SLAMF6: variants seen among roughly 807,000 people sequenced by gnomAD.
SLAMF6 encodes SLAM family member 6.
A neutral mutation model predicts 38.3 loss-of-function variants in SLAMF6; 21 were observed. That is an observed-to-expected ratio of 0.55 (90% CI 0.39 to 0.79). The LOEUF (loss-of-function observed/expected upper bound fraction) is 0.79, where lower values mean the gene tolerates loss of function less well. SLAMF6 is among the 30% of genes least tolerant of loss of function. The pLI is 0.00. For missense variants in SLAMF6, 341 were observed against 385.3 expected (o/e 0.89, Z 0.96); for synonymous variants, 152 against 146.3 (o/e 1.04, Z -0.28).
At chr1:160,505,923 T>C (rs1182093084) in intron 1 of SLAMF6, among the ~76,000 whole-genome samples, 1 of 151,984 alleles carries the variant, frequency 6.6e-6, no homozygotes, top group Non-Finnish European at 1.5e-5. Flanking sequence ...AAGTAAGAAA[T>C]AGCTAATTCA....
rs757097906 is a variant in SLAMF6 at position 160,496,139 on chromosome 1, C to G, written c.304G>C (p.Glu102Gln). The G allele has an allele frequency of 6.2e-7, 1 of 1,613,964 alleles. No homozygotes were observed. Among genetic ancestry groups the G allele is most frequent in the Non-Finnish European group, 8.5e-7 (1 of 1,179,906 alleles). Residue 102 changes from glutamate to glutamine, a missense_variant, in exon 2 of 8, where the codon GAA becomes CAA. By Grantham distance (29) the Glu-to-Gln change is conservative. Coordinates refer to ENST00000368057, the MANE Select transcript of SLAMF6 (RefSeq NM_001184714.2). ...YSLQLSNLKM[E>Q]DTGSYRAQIS... ...TGGGCTCTGTAAGAGCCTGTGTCTT[C>G]CATCTTCAGGTTGCTGAGTTGCAGG... is the stretch of plus-strand genomic sequence containing the variant.
chr1:160,498,304 G>A (rs933622128), intron 1 of SLAMF6, among the ~76,000 whole-genome samples: 1 of 152,024 alleles, frequency 6.6e-6, no homozygotes, highest in Non-Finnish European at 1.5e-5. Flanking sequence ...TGACAGAATG[G>A]CTATTATTAA....
chr1:160,518,410 A>G (rs1654841061), intron 1 of SLAMF6, among the ~76,000 whole-genome samples: 1 of 152,226 alleles, frequency 6.6e-6, no homozygotes, highest in African/African-American at 2.4e-5. Flanking sequence ...TACTGGGTAT[A>G]TACCCAAAAG....
At chr1:160,503,773 T>A (rs6700764) in intron 1 of SLAMF6, among the ~76,000 whole-genome samples, 129,703 of 152,026 alleles carry the variant, frequency 0.85, 55,987 homozygotes, top group Non-Finnish European at 0.93. Flanking sequence ...TAGTCAAAGG[T>A]TTATAGCAAC....
intron 6 of SLAMF6, among the ~76,000 whole-genome samples, chr1:160,487,598 A>G (rs889817353): frequency 2.0e-5 from 3 of 152,226 alleles, no homozygotes; most frequent in African/African-American, 2.4e-5. Flanking sequence ...ATCTTTTGCT[A>G]TAATTCTAAC....
intron 1 of SLAMF6, among the ~76,000 whole-genome samples, chr1:160,512,541 G>A (rs1407431805): frequency 6.6e-6 from 1 of 152,184 alleles, no homozygotes; most frequent in African/African-American, 2.4e-5. Flanking sequence ...CCCTTATCTT[G>A]TGACTCCTGA....
intron 1 of SLAMF6, among the ~76,000 whole-genome samples, chr1:160,497,421 T>G (rs1653643753): frequency 6.6e-6 from 1 of 152,216 alleles, no homozygotes; most frequent in South Asian, 2.1e-4. Context: ...TGACACATAG[T>G]AGAGTCTGTG....
chr1:160,497,212 T>A (rs1264061314), intron 1 of SLAMF6, among the ~76,000 whole-genome samples: 1 of 152,212 alleles, frequency 6.6e-6, no homozygotes, highest in Non-Finnish European at 1.5e-5. Context: ...GATGGCCACA[T>A]TCTTGTGAAC....
At chr1:160,499,647 T>C (rs1653776344) in intron 1 of SLAMF6, among the ~76,000 whole-genome samples, 1 of 152,218 alleles carries the variant, frequency 6.6e-6, no homozygotes. Context: ...AATTGCTTTG[T>C]GTGGTATGGC....
intron 1 of SLAMF6, 106 bp from the exon 2 acceptor site, chr1:160,496,499 C>A (rs1215301055): frequency 3.7e-6 from 4 of 1,072,564 alleles, no homozygotes; most frequent in African/African-American, 3.2e-5. Context: ...TCTCTGATAC[C>A]AAAACTCAGA....
chr1:160,508,639 A>G (rs188142495), intron 1 of SLAMF6, among the ~76,000 whole-genome samples: 1 of 152,216 alleles, frequency 6.6e-6, no homozygotes, highest in African/African-American at 2.4e-5. Context: ...CAATGGCAAC[A>G]AAAGCCAAAA....
At chr1:160,515,069 C>A (rs955197032) in intron 1 of SLAMF6, among the ~76,000 whole-genome samples, 1 of 152,014 alleles carries the variant, frequency 6.6e-6, no homozygotes, top group East Asian at 1.9e-4. Context: ...AGTCCAGAAT[C>A]TGGTTTTTTG....
At chr1:160,504,114 G>A (rs569655623) in intron 1 of SLAMF6, among the ~76,000 whole-genome samples, 13 of 151,994 alleles carry the variant, frequency 8.6e-5, no homozygotes, top group Admixed American at 5.2e-4. Flanking sequence ...GGTGGAGAGA[G>A]GGAACAGAGA....
chr1:160,512,512 A>T (rs974702514), intron 1 of SLAMF6, among the ~76,000 whole-genome samples: 1 of 152,162 alleles, frequency 6.6e-6, no homozygotes, highest in African/African-American at 2.4e-5. Flanking sequence ...GGACAGACAG[A>T]ATGCTTCATT....
chr1:160,512,909 G>T (rs1654561879), intron 1 of SLAMF6, among the ~76,000 whole-genome samples: 1 of 152,158 alleles, frequency 6.6e-6, no homozygotes, highest in South Asian at 2.1e-4. Flanking sequence ...AGATGAGAAA[G>T]AATCAATAAA....
chr1:160,493,103 C>T (rs1414004886), intron 2 of SLAMF6, among the ~76,000 whole-genome samples: 1 of 152,180 alleles, frequency 6.6e-6, no homozygotes. Flanking sequence ...AGAGTAGATG[C>T]CAAAGTCTTT....
At chr1:160,501,713 T>G (rs925567885) in intron 1 of SLAMF6, among the ~76,000 whole-genome samples, 1 of 148,072 alleles carries the variant, frequency 6.8e-6, no homozygotes, top group Non-Finnish European at 1.5e-5. Context: ...TTTTTTTTTT[T>G]GCACTGCTTT....
rs1653006332 is a variant in SLAMF6, at chr1:160,487,106, C to G, written c.949G>C (p.Glu317Gln). The change falls in exon 7 of 8, where the codon GAG becomes CAG. Residue 317 changes from glutamate (E) to glutamine (Q), a missense_variant and splice_region_variant. Glu to Gln is a conservative substitution (Grantham distance 29). Transcript: ENST00000368057. Reference protein sequence around the residue: ...TIYSTINHSKESKPTFSRATA... With the variant: ...TIYSTINHSKQSKPTFSRATA... Reference sequence around the variant, plus strand: ...ACATGGAGCAATCGTGGGCTTACCTCTTTGGAATGATTAATTGTGGAGTAA... The same window carrying G: ...ACATGGAGCAATCGTGGGCTTACCTGTTTGGAATGATTAATTGTGGAGTAA... The G allele has an allele frequency of 6.2e-7, 1 of 1,611,254 alleles. No individual in the cohort carries two copies.
At chr1:160,497,951 G>C (rs577929437) in intron 1 of SLAMF6, among the ~76,000 whole-genome samples, 72 of 152,248 alleles carry the variant, frequency 4.7e-4, no homozygotes, top group African/African-American at 1.5e-3. Context: ...ACAAGTGCAT[G>C]TGTCTTTTTG....
Sources: allele counts gnomAD v4.1 joint callset (sites outside exome capture counted in the v4.1 genomes callset), GRCh38; gene constraint gnomAD v4.1.1; transcripts MANE v1.5; gene names NCBI Gene and HGNC (gene_info 2026-07-23, HGNC 2026-07-21).